TTC7B: variants seen among roughly 807,000 people sequenced by gnomAD.
The protein encoded by TTC7B is tetratricopeptide repeat protein 7B.
TTC7B carries 28 observed loss-of-function variants against 106.8 expected under a neutral mutation model. The ratio of observed to expected loss-of-function variants is 0.26; its 90% CI spans 0.19 to 0.36. The LOEUF (loss-of-function observed/expected upper bound fraction) is 0.36. TTC7B is among the 10% of genes least tolerant of loss of function. The pLI, the probability that TTC7B is intolerant of heterozygous loss-of-function variation, is 1.00. For missense variants in TTC7B, 862 were observed against 1,076.4 expected, an observed-to-expected ratio of 0.80 and a Z score of 2.79; for synonymous variants, 405 against 430.6, an observed-to-expected ratio of 0.94 and a Z score of 0.74.
chr14:90,601,541 A>T (rs1892423355), intron 17 of TTC7B, among the ~76,000 whole-genome samples: 1 of 152,220 alleles, frequency 6.6e-6, no homozygotes. Context: ...GATAGGAAAA[A>T]TGGAGCCAAG....
At chr14:90,776,176 C>CACACACACACACACA (rs57317430) in intron 3 of TTC7B, among the ~76,000 whole-genome samples, 1 of 150,428 alleles carries the variant, frequency 6.6e-6, no homozygotes, top group African/African-American at 2.5e-5. Context: ...CACACACACA[C>CACACACACACACACA]GCCAGGAATG....
chr14:90,603,616 A>G (rs990220847), intron 17 of TTC7B, among the ~76,000 whole-genome samples: 1 of 152,188 alleles, frequency 6.6e-6, no homozygotes, highest in African/African-American at 2.4e-5. Context: ...ATAATCAAAC[A>G]AGTGGGTTTT....
intron 1 of TTC7B, among the ~76,000 whole-genome samples, chr14:90,791,731 G>A (rs1891592907): frequency 1.3e-5 from 2 of 151,942 alleles, no homozygotes; most frequent in South Asian, 2.1e-4. Flanking sequence ...AAAATGGCAC[G>A]CCCATCTGAG....
chr14:90,619,556 TTAA>T lies in TTC7B; in HGVS notation c.1752-1514_1752-1512del, dbSNP rs570427525. 1.6e-4 allele frequency among the ~76,000 whole-genome samples: 24 copies of T among 152,316 alleles called. 2 individuals carry two copies. In the East Asian group the frequency reaches 4.6e-3, roughly 29 times the overall value. On this transcript the variant is annotated intron_variant, in intron 15 of 19. Coordinates refer to ENST00000328459, the MANE Select transcript of TTC7B (RefSeq NM_001010854.2). ...GTGCCATATTAGCTGGCATTTGTTG[TTAA>T]TAATAAAAAGAAGAAAAAGAGAGGG...
At chr14:90,587,239 A>G (rs1891754192) in intron 18 of TTC7B, among the ~76,000 whole-genome samples, 1 of 152,106 alleles carries the variant, frequency 6.6e-6, no homozygotes. Context: ...CCCAGCTTGG[A>G]GTGATCTTTT....
rs1014272606 is a variant in TTC7B, at chr14:90,538,582, T to G, written c.*2786A>C. The G allele has an allele frequency of 2.0e-5, 3 of 152,226 alleles. No homozygotes were observed. The highest frequency in any genetic ancestry group is 2.9e-5 in the Non-Finnish European group (2 of 68,188). The allele number at this position is 152,226 out of a possible 1,614,324, so 9.4% of individuals were successfully genotyped here. On this transcript the variant is annotated 3_prime_UTR_variant, in exon 20 of 20. Transcript: ENST00000328459. ...GGGGCTGGGGCCAAGGTACTGGGGA[T>G]GAAGTTGAATGGGAGAGATTTGAGA...
At chr14:90,812,725 G>T (rs944773456) in intron 1 of TTC7B, among the ~76,000 whole-genome samples, 3 of 152,018 alleles carry the variant, frequency 2.0e-5, no homozygotes, top group Non-Finnish European at 4.4e-5. Context: ...TTGAGATGGT[G>T]CAATGAAAAT....
At chr14:90,813,232 C>T (rs538093461) in intron 1 of TTC7B, among the ~76,000 whole-genome samples, 1 of 152,328 alleles carries the variant, frequency 6.6e-6, no homozygotes, top group African/African-American at 2.4e-5. Flanking sequence ...CACTCCAAAG[C>T]ACCTATTCAC....
At chr14:90,583,976 C>G (rs935469597) in intron 18 of TTC7B, among the ~76,000 whole-genome samples, 1 of 152,160 alleles carries the variant, frequency 6.6e-6, no homozygotes, top group African/African-American at 2.4e-5. Context: ...CTGCCCAGGA[C>G]CCCCCAGAAA....
At chr14:90,661,747 T>A (rs1886217162) in intron 9 of TTC7B, among the ~76,000 whole-genome samples, 1 of 152,174 alleles carries the variant, frequency 6.6e-6, no homozygotes, top group African/African-American at 2.4e-5. Flanking sequence ...CATTTATATG[T>A]TTAAATGGTT....
chr14:90,647,133 A>G lies in TTC7B; in HGVS notation c.1518-110T>C, dbSNP rs955197190. 17 of 853,502 alleles carry G rather than the reference A, an allele frequency of 2.0e-5. No individual in the cohort carries two copies. The African/African-American group carries it at 2.5e-4, about 13-fold the overall frequency. 52.9% of individuals were successfully genotyped at this position (853,502 alleles called of 1,614,324 possible). A position where few individuals can be genotyped will look rare whatever the true frequency, so the allele number is the denominator to read the frequency against. On this transcript the variant is annotated intron_variant, in intron 13 of 19. Transcript: ENST00000328459. ...ATTCTTATACTAAGGGCCCGTATTT[A>G]TTTAACTATGTAATGCTTCATTTAA... is the stretch of plus-strand genomic sequence containing the variant.
chr14:90,698,578 C>T (rs926804801), intron 5 of TTC7B: 6 of 152,338 alleles, frequency 3.9e-5, no homozygotes, highest in African/African-American at 1.4e-4. Flanking sequence ...AAACTATTCT[C>T]AAAACAAATG....
intron 15 of TTC7B, among the ~76,000 whole-genome samples, chr14:90,621,191 G>A (rs1345128261): frequency 2.0e-5 from 3 of 149,094 alleles, no homozygotes; most frequent in Admixed American, 6.7e-5. Context: ...GATAGGCAGA[G>A]GCCACGTGGG....
intron 6 of TTC7B, among the ~76,000 whole-genome samples, chr14:90,690,191 A>C (rs1239634415): frequency 1.3e-5 from 2 of 152,186 alleles, no homozygotes; most frequent in Non-Finnish European, 2.9e-5. Flanking sequence ...TCTTTCTTAC[A>C]TGTACCAATG....
chr14:90,774,547 C>A (rs984570953), intron 3 of TTC7B, among the ~76,000 whole-genome samples: 5 of 152,218 alleles, frequency 3.3e-5, no homozygotes, highest in Non-Finnish European at 5.9e-5. Flanking sequence ...CCCTCCACCC[C>A]CTCTGTGAAC....
At chr14:90,729,928 T>C (rs1889261007) in intron 5 of TTC7B, 147 bp downstream of exon 5, 4 of 810,774 alleles carry the variant, frequency 4.9e-6, no homozygotes, top group Admixed American at 3.3e-5. Flanking sequence ...AAACAGCCAA[T>C]GTTCATTCTT....
chr14:90,679,088 C>T (rs1886947541), intron 8 of TTC7B, among the ~76,000 whole-genome samples: 1 of 152,164 alleles, frequency 6.6e-6, no homozygotes, highest in Admixed American at 6.5e-5. Flanking sequence ...GCCTGCTCAC[C>T]TATGTGCTTC....
intron 2 of TTC7B, among the ~76,000 whole-genome samples, chr14:90,785,592 A>G (rs1348034628): frequency 1.3e-5 from 2 of 152,186 alleles, no homozygotes; most frequent in Non-Finnish European, 1.5e-5. Flanking sequence ...AAGCCACGTG[A>G]GAGGGAATGG....
At chr14:90,675,153 A>G (rs927608408) in intron 9 of TTC7B, 1 of 152,304 alleles carries the variant, frequency 6.6e-6, no homozygotes, top group South Asian at 2.1e-4. Context: ...CAAGCTCCTC[A>G]CTCTTGTTTT....
Sources: gnomAD v4.1 joint callset for allele counts (sites outside exome capture counted in the v4.1 genomes callset) on GRCh38, gnomAD v4.1.1 for gene constraint, MANE v1.5 for transcripts, NCBI Gene and HGNC (gene_info 2026-07-23, HGNC 2026-07-21) for gene names.